TMEM131: variants seen among roughly 807,000 people sequenced by gnomAD.
The protein encoded by TMEM131 is 2610524E03Rik.
Under a neutral mutation model 211.6 loss-of-function variants are expected in TMEM131, and 66 were observed. That is an observed-to-expected ratio of 0.31 (90% CI 0.26 to 0.38). The LOEUF (loss-of-function observed/expected upper bound fraction) is 0.38, where lower values mean the gene tolerates loss of function less well. Ranked by LOEUF, TMEM131 falls within the 10% of genes least tolerant of loss-of-function variation. TMEM131 has a pLI of 1.00. For synonymous variants in TMEM131, 844 were observed against 841.3 expected (o/e 1.00, Z -0.06); for missense variants, 2,036 against 2,299.3 (o/e 0.89, Z 2.34).
chr2:97,924,395 G>A (rs1457178692), intron 2 of TMEM131, among the ~76,000 whole-genome samples: 1 of 152,108 alleles, frequency 6.6e-6, no homozygotes, highest in South Asian at 2.1e-4. Flanking sequence ...TGAACTGTGT[G>A]GTCAGTCAGC....
intron 19 of TMEM131, among the ~76,000 whole-genome samples, chr2:97,806,636 G>A (rs1352872946): frequency 6.6e-6 from 1 of 152,088 alleles, no homozygotes; most frequent in Non-Finnish European, 1.5e-5. Context: ...CTGTGACAGG[G>A]TACCAAATTT....
Position 97,792,263 on chromosome 2 carries a change from A to T in TMEM131, c.4144+123T>A, listed in dbSNP as rs541736106. ...AAGTTGAAGTCCAACACTGGAGATAAATCTGAGCCAGAGGAACCTACTGAA... is the reference window on the plus strand; with the variant it reads ...AAGTTGAAGTCCAACACTGGAGATATATCTGAGCCAGAGGAACCTACTGAA... On this transcript the variant is annotated intron_variant, in intron 31 of 40. Transcript: ENST00000186436. The T allele has an allele frequency of 6.6e-6, 5 of 760,070 alleles. No homozygotes were observed. The African/African-American group carries it at 8.8e-5, about 13-fold the overall frequency. 47.1% of individuals were successfully genotyped at this position (760,070 alleles called of 1,614,324 possible). A position where few individuals can be genotyped will look rare whatever the true frequency, so the allele number is the denominator to read the frequency against.
intron 1 of TMEM131, among the ~76,000 whole-genome samples, chr2:97,968,024 G>A (rs1305030744): frequency 6.6e-6 from 1 of 151,850 alleles, no homozygotes. Context: ...CTTATTCTAA[G>A]TAATGCCCTA....
At chr2:97,841,305 G>C (rs1045394552) in intron 7 of TMEM131, among the ~76,000 whole-genome samples, 1 of 152,190 alleles carries the variant, frequency 6.6e-6, no homozygotes, top group Non-Finnish European at 1.5e-5. Flanking sequence ...AACAATTACT[G>C]CTAGAAGATT....
intron 1 of TMEM131, among the ~76,000 whole-genome samples, chr2:97,982,731 A>T (rs1257001301): frequency 6.6e-6 from 1 of 152,216 alleles, no homozygotes; most frequent in Non-Finnish European, 1.5e-5. Context: ...TGGGGAGATT[A>T]TCCCAGATTA....
chr2:97,813,141 C>T (rs913494049), intron 15 of TMEM131, among the ~76,000 whole-genome samples: 3 of 152,142 alleles, frequency 2.0e-5, no homozygotes, highest in Admixed American at 2.0e-4. Context: ...TGCTGAGTTG[C>T]TATTCTTCCT....
At chr2:97,765,951 C>T (rs1260782894) in intron 35 of TMEM131, among the ~76,000 whole-genome samples, 163 bp downstream of exon 35, 6 of 151,908 alleles carry the variant, frequency 3.9e-5, no homozygotes, top group Middle Eastern at 3.2e-3. Context: ...TTTCAACCTA[C>T]GGCAGTTTAG....
chr2:97,859,265 T>G, intron 5 of TMEM131, 39 bp downstream of exon 5: 1 of 1,546,844 alleles, frequency 6.5e-7, no homozygotes, highest in South Asian at 1.2e-5. Context: ...CATTTCAACT[T>G]CAAACTCAGG....
rs576494198 is a variant in TMEM131, at chr2:97,841,140, A to T, written c.723+675T>A. 2.6e-4 allele frequency among the ~76,000 whole-genome samples: 40 copies of T among 152,346 alleles called. No individual in the cohort carries two copies. The East Asian group carries it at 6.6e-3, about 25-fold the overall frequency. ...GCATTCACATCTACTTTTAACACAG[A>T]CAACACAACTAGAAGCCACAGAGGC... is the stretch of plus-strand genomic sequence containing the variant. On this transcript the variant is annotated intron_variant, in intron 7 of 40. Transcript: ENST00000186436.
chr2:97,777,619 T>C (rs1300205849), intron 31 of TMEM131, among the ~76,000 whole-genome samples: 3 of 152,236 alleles, frequency 2.0e-5, no homozygotes, highest in Admixed American at 2.0e-4. Flanking sequence ...GTAAATCGCT[T>C]AGTGATTTCC....
intron 5 of TMEM131, among the ~76,000 whole-genome samples, chr2:97,852,340 T>G (rs962787266): frequency 6.6e-6 from 1 of 152,088 alleles, no homozygotes; most frequent in Non-Finnish European, 1.5e-5. Flanking sequence ...GTATTTTTAG[T>G]AGAGATGGGG....
rs1011798089 is a variant in TMEM131, at chr2:97,804,967, T to C, written c.2402+121A>G. The C allele has an allele frequency of 1.4e-5, 9 of 645,170 alleles. No individual in the cohort carries two copies. The South Asian group carries it at 2.3e-4, about 17-fold the overall frequency. 40.0% of individuals were successfully genotyped at this position (645,170 alleles called of 1,614,324 possible). On this transcript the variant is annotated intron_variant, in intron 22 of 40. Coordinates refer to ENST00000186436, the MANE Select transcript of TMEM131 (RefSeq NM_015348.2). ...GCCTCACTAATAACTTTCTGAAAAT[T>C]AGGCATTCTTTCTTAGCTATAAAGC...
chr2:97,955,481 T>C (rs1359256627), intron 1 of TMEM131, among the ~76,000 whole-genome samples: 1 of 152,004 alleles, frequency 6.6e-6, no homozygotes, highest in Non-Finnish European at 1.5e-5. Flanking sequence ...TGCATACAGA[T>C]CAGGAAGGAA....
At chr2:97,961,809 G>A (rs932724189) in intron 1 of TMEM131, among the ~76,000 whole-genome samples, 7 of 152,170 alleles carry the variant, frequency 4.6e-5, no homozygotes, top group African/African-American at 1.7e-4. Context: ...AAATTGTGCT[G>A]CAACAGCTGA....
rs75731847 is a variant in TMEM131 at position 97,802,617 on chromosome 2, T to C, written c.2541+35A>G. On this transcript the variant is annotated intron_variant, in intron 23 of 40. Coordinates refer to ENST00000186436, the MANE Select transcript of TMEM131 (RefSeq NM_015348.2). ...GTAAATACTTTATAATCCTAGTATG[T>C]ATTTCCAAAAACCAATGTCACTTTG... 1.9e-4 allele frequency: 306 copies of C among 1,608,460 alleles called. 2 individuals are homozygous for C. The African/African-American group carries it at 3.7e-3, about 20-fold the overall frequency.
chr2:97,837,223 T>C (rs1682982509), intron 7 of TMEM131, 66 bp from the exon 8 acceptor site: 3 of 1,160,502 alleles, frequency 2.6e-6, no homozygotes, highest in Admixed American at 2.5e-5. Context: ...GACTTGCTAT[T>C]ACACAGAAAT....
chr2:97,885,484 G>A (rs990081417), intron 4 of TMEM131, among the ~76,000 whole-genome samples: 31 of 152,218 alleles, frequency 2.0e-4, no homozygotes, highest in Non-Finnish European at 3.1e-4. Context: ...CACCGCGCCC[G>A]GCCGTTTGTG....
chr2:97,815,778 GAT>G (rs1196576132), intron 12 of TMEM131, among the ~76,000 whole-genome samples: 6 of 152,166 alleles, frequency 3.9e-5, no homozygotes, highest in Non-Finnish European at 8.8e-5. Context: ...TGCATTGCCA[GAT>G]ATCCCCTTGG....
intron 2 of TMEM131, among the ~76,000 whole-genome samples, chr2:97,915,408 T>C (rs1344579291): frequency 1.3e-5 from 2 of 152,006 alleles, no homozygotes; most frequent in African/African-American, 2.4e-5. Context: ...GCAGGCTTGA[T>C]GTCCCAGGCT....
Sources: gnomAD v4.1 joint callset for allele counts (sites outside exome capture counted in the v4.1 genomes callset) on GRCh38, gnomAD v4.1.1 for gene constraint, MANE v1.5 for transcripts, NCBI Gene and HGNC (gene_info 2026-07-23, HGNC 2026-07-21) for gene names.